ROBO2: variants seen among roughly 807,000 people sequenced by gnomAD.
ROBO2 encodes the protein roundabout homolog 2.
In ROBO2, 53 loss-of-function variants were observed where a neutral mutation model predicts 160.8. The observed-to-expected ratio is 0.33, with a 90% CI of 0.26 to 0.41. The LOEUF is 0.41. Ranked by LOEUF, ROBO2 falls within the 10% of genes least tolerant of loss-of-function variation. The probability of loss-of-function intolerance (pLI) is 1.00; values close to 1 mark genes in which losing one functional copy is unlikely to be tolerated. For missense variants in ROBO2, 1,577 were observed against 1,722.4 expected, an observed-to-expected ratio of 0.92 and a Z score of 1.49; for synonymous variants, 664 against 611.7, an observed-to-expected ratio of 1.09 and a Z score of -1.26.
chr3:76,922,823 G>A (rs944376368), intron 2 of ROBO2, among the ~76,000 whole-genome samples: 2 of 152,192 alleles, frequency 1.3e-5, no homozygotes, highest in Non-Finnish European at 2.9e-5. Context: ...TCCACACAGA[G>A]CTTTTGGTAC....
intron 2 of ROBO2, among the ~76,000 whole-genome samples, chr3:77,171,061 G>A (rs1579611901): frequency 2.0e-5 from 3 of 152,266 alleles, no homozygotes; most frequent in Middle Eastern, 3.4e-3. Flanking sequence ...TTCTTGAGCT[G>A]TTGTTTACTG....
At chr3:77,223,621 T>C (rs376036393) in intron 2 of ROBO2, among the ~76,000 whole-genome samples, 11 of 152,244 alleles carry the variant, frequency 7.2e-5, no homozygotes, top group East Asian at 3.9e-4. Flanking sequence ...TATTATACTT[T>C]CTAACAATGC....
At chr3:77,638,823 T>TC (rs1283843155) in intron 24 of ROBO2, among the ~76,000 whole-genome samples, 1 of 143,286 alleles carries the variant, frequency 7.0e-6, no homozygotes, top group African/African-American at 2.6e-5. Context: ...CCTAGCTTTT[T>TC]TTTTTTTTTT....
chr3:77,241,668 T>C (rs1553865083), intron 2 of ROBO2, among the ~76,000 whole-genome samples: 3 of 152,174 alleles, frequency 2.0e-5, no homozygotes, highest in Non-Finnish European at 1.5e-5. Context: ...AAAATTCGGG[T>C]GCAGACAAGT....
intron 2 of ROBO2, among the ~76,000 whole-genome samples, chr3:77,355,235 G>GATCAACCCTTCCTCCCATCCC (rs1442814705): frequency 1.4e-5 from 1 of 69,448 alleles, no homozygotes; most frequent in Non-Finnish European, 3.6e-5. Flanking sequence ...CTTCCCATCT[G>GATCAACCCTTCCTCCCATCCC]CATACCCTAG....
At chr3:77,642,604 A>C (rs769679835) in intron 24 of ROBO2, 67 bp from the exon 26 acceptor site, 11 of 409,690 alleles carry the variant, frequency 2.7e-5, no homozygotes, top group South Asian at 7.2e-5. Flanking sequence ...ATTTTCTTCA[A>C]CTTGAACTAA....
intron 2 of ROBO2, among the ~76,000 whole-genome samples, chr3:77,322,848 T>G (rs1428623218): frequency 9.0e-6 from 1 of 111,012 alleles, no homozygotes; most frequent in African/African-American, 3.8e-5. Flanking sequence ...ATATATTATA[T>G]TATACATATG....
At chr3:76,820,968 C>T (rs1233762871) in intron 2 of ROBO2, among the ~76,000 whole-genome samples, 5 of 151,710 alleles carry the variant, frequency 3.3e-5, no homozygotes, top group African/African-American at 7.3e-5. Flanking sequence ...TGATGTTTGA[C>T]TTAAAAAAAT....
chr3:77,371,296 T>C lies in ROBO2; in HGVS notation c.389-106118T>C, dbSNP rs190258911. Among the ~76,000 whole-genome samples, 38 of 152,328 alleles carry C rather than the reference T, an allele frequency of 2.5e-4. No homozygotes were observed. The East Asian group carries it at 3.1e-3, about 12-fold the overall frequency. On this transcript the variant is annotated intron_variant, in intron 2 of 25. Transcript: ENST00000461745. ...TAACTGTTTCAATTAGTATGTCTCC[T>C]CTACAAGTAGTGCTCTTTATAGGGT... is the stretch of plus-strand genomic sequence containing the variant.
At chr3:77,194,000 T>A (rs2082104720) in intron 2 of ROBO2, among the ~76,000 whole-genome samples, 1 of 152,222 alleles carries the variant, frequency 6.6e-6, no homozygotes, top group Admixed American at 6.5e-5. Flanking sequence ...CTGTTTTGTT[T>A]TTCCCACACA....
chr3:76,859,939 A>T (rs1029562912), intron 2 of ROBO2, among the ~76,000 whole-genome samples: 1 of 152,220 alleles, frequency 6.6e-6, no homozygotes, highest in Non-Finnish European at 1.5e-5. Flanking sequence ...TGAGATATTT[A>T]GACGTGAGTG....
chr3:77,225,675 T>C (rs77067825), intron 2 of ROBO2, among the ~76,000 whole-genome samples: 172 of 152,114 alleles, frequency 1.1e-3, no homozygotes, highest in African/African-American at 3.9e-3. Context: ...TACTATGTGC[T>C]TCTAAATCAA....
At chr3:77,245,218 A>G (rs2089585130) in intron 2 of ROBO2, among the ~76,000 whole-genome samples, 1 of 152,168 alleles carries the variant, frequency 6.6e-6, no homozygotes, top group Non-Finnish European at 1.5e-5. Flanking sequence ...GAGAAATCCA[A>G]AGTACTGTCA....
intron 2 of ROBO2, among the ~76,000 whole-genome samples, chr3:77,178,175 A>G (rs753856586): frequency 1.3e-5 from 2 of 152,052 alleles, no homozygotes; most frequent in Non-Finnish European, 1.5e-5. Context: ...TGGGCGCGCT[A>G]CAAGGTAGGA....
rs148236288 is a variant in ROBO2, at chr3:76,925,704, C to T, written c.110-172310C>T. Among the ~76,000 whole-genome samples, 841 of 152,244 alleles carry T rather than the reference C, an allele frequency of 5.5e-3. 9 individuals carry two copies. Among genetic ancestry groups the T allele is most frequent in the African/African-American group, 0.019 (778 of 41,530 alleles). The stretch of plus-strand genomic sequence containing the variant: ...TCAGGGGAGCTGAGAGTGCCGCTTA[C>T]ACCACAACAAACCCAGCCCCAGAAA... On this transcript the variant is annotated intron_variant, in intron 2 of 26. Transcript: ENST00000487694.
intron 7 of ROBO2, 31 bp from the exon 9 acceptor site, chr3:77,550,787 A>G (rs775895991): frequency 2.5e-6 from 4 of 1,611,352 alleles, no homozygotes; most frequent in Non-Finnish European, 3.4e-6. Context: ...GTGGAAAATG[A>G]ATATTGATGA....
At chr3:76,794,203 T>A (rs1210021447) in intron 2 of ROBO2, among the ~76,000 whole-genome samples, 2 of 151,814 alleles carry the variant, frequency 1.3e-5, no homozygotes, top group Non-Finnish European at 2.9e-5. Context: ...ATGGAAAAAA[T>A]TAGTAGAACT....
At chr3:76,275,437 G>A (rs1238695536) in intron 2 of ROBO2, among the ~76,000 whole-genome samples, 1 of 152,012 alleles carries the variant, frequency 6.6e-6, no homozygotes, top group Non-Finnish European at 1.5e-5. Context: ...ACTTTGCAAA[G>A]GTTTATTTTT....
chr3:77,590,551 T>A (rs1037341617), intron 17 of ROBO2, among the ~76,000 whole-genome samples: 2 of 152,144 alleles, frequency 1.3e-5, no homozygotes, highest in East Asian at 3.9e-4. Flanking sequence ...ATATGAAATA[T>A]AAGGAAGAAC....
Sources: gnomAD v4.1 joint callset for allele counts (sites outside exome capture counted in the v4.1 genomes callset) on GRCh38, gnomAD v4.1.1 for gene constraint, MANE v1.5 for transcripts, NCBI Gene and HGNC (gene_info 2026-07-23, HGNC 2026-07-21) for gene names.